Variants in CCDC102A observed in about 807,000 individuals in gnomAD.
CCDC102A encodes the protein coiled-coil domain containing 102A.
Under a neutral mutation model 55.5 loss-of-function variants are expected in CCDC102A, and 40 were observed. The ratio of observed to expected loss-of-function variants is 0.72; its 90% CI spans 0.56 to 0.94. The LOEUF (loss-of-function observed/expected upper bound fraction) is 0.94, where lower values mean the gene tolerates loss of function less well. Among genes scored for constraint, CCDC102A ranks in the 40% least tolerant of loss-of-function variants. CCDC102A has a pLI of 0.00. For missense variants in CCDC102A, 779 were observed against 768.6 expected (o/e 1.01, Z -0.16); for synonymous variants, 323 against 339.0 (o/e 0.95, Z 0.52).
At position 57,512,842 on chromosome 16, in the gene CCDC102A, G is replaced by C; in HGVS notation, c.1552C>G (p.Leu518Val). 1 of 1,614,046 alleles carries C rather than the reference G, an allele frequency of 6.2e-7. No individual in the cohort carries two copies. The highest frequency in any genetic ancestry group is 1.3e-5 in the African/African-American group (1 of 75,070). ...CGAGCACTGCGGATCTTCCCGAAGA[G>C]GGGAGCGTTCTGCTGCTGCCTGCGG... ...RLRRQQQNAP[L>V]FGKIRSARFG... is the part of the protein sequence containing the mutation. The change falls in exon 9 of 9, where the codon CTC becomes GTC. Residue 518 changes from leucine (L) to valine (V), a missense_variant. Physicochemically the swap from Leu to Val is conservative, Grantham distance 32. Coordinates refer to ENST00000258214, the MANE Select transcript of CCDC102A (RefSeq NM_033212.4).
rs779356774 is a variant in CCDC102A at position 57,512,577 on chromosome 16, G to A, written c.*164C>T. ...AACATAGGCTTCCTTTCCACAGGGC[G>A]TTGGTAGGTGGGACTGTTGACGCCA... is the stretch of plus-strand genomic sequence containing the variant. On this transcript the variant is annotated 3_prime_UTR_variant, in exon 9 of 9. Coordinates refer to ENST00000258214, the MANE Select transcript of CCDC102A (RefSeq NM_033212.4). 3.0e-5 allele frequency: 23 copies of A among 769,438 alleles called. No homozygotes were observed. In the African/African-American group the frequency reaches 3.1e-4, roughly 10 times the overall value. The allele number at this position is 769,438 out of a possible 1,614,324, so 47.7% of individuals were successfully genotyped here.
Position 57,516,542 on chromosome 16 carries a change from G to A in CCDC102A, c.1249-79C>T, listed in dbSNP as rs2031959339. ...GCGCCATGCCAGGGAGTCCCACGAG[G>A]TCAGGCAGTTCTAGGGATGCTGGGT... On this transcript the variant is annotated intron_variant, in intron 6 of 8. Coordinates refer to ENST00000258214, the MANE Select transcript of CCDC102A (RefSeq NM_033212.4). The surrounding 1 kb of genome is among the most constrained non-coding windows in gnomAD (Gnocchi z 4.4). The A allele has an allele frequency of 1.6e-6, 2 of 1,230,300 alleles. No individual in the cohort carries two copies. Among genetic ancestry groups the A allele is most frequent in the African/African-American group, 1.5e-5 (1 of 67,808 alleles). The allele number at this position is 1,230,300 out of a possible 1,614,324, so 76.2% of individuals were successfully genotyped here. A position where few individuals can be genotyped will look rare whatever the true frequency, so the allele number is the denominator to read the frequency against.
At chr16:57,520,595 A>AC (rs1555519315) in intron 4 of CCDC102A, among the ~76,000 whole-genome samples, 30,299 of 118,562 alleles carry the variant, frequency 0.26, 4,032 homozygotes, top group African/African-American at 0.44. Flanking sequence ...ACATAACATA[A>AC]ATAAAATAAA....
intron 8 of CCDC102A, 73 bp downstream of exon 8, chr16:57,515,268 G>A: frequency 1.1e-6 from 1 of 948,316 alleles, no homozygotes. Context: ...CCTTGGTTTG[G>A]GCTCCGTCCC....
intron 1 of CCDC102A, among the ~76,000 whole-genome samples, chr16:57,533,168 C>A (rs2032302521): frequency 6.6e-6 from 1 of 152,170 alleles, no homozygotes; most frequent in Non-Finnish European, 1.5e-5. Flanking sequence ...CCTGGCCAGG[C>A]CCCTCCTAGG....
At position 57,529,473 on chromosome 16, in the gene CCDC102A, A is replaced by C. The variant is rs552535618; in HGVS notation, c.-147-149T>G. On this transcript the variant is annotated intron_variant, in intron 1 of 8. Transcript: ENST00000258214. The surrounding 1 kb of genome is among the most constrained non-coding windows in gnomAD (Gnocchi z 4.1). The stretch of plus-strand genomic sequence containing the variant: ...AGTCCCAATGAGGCAGGATTGGTGG[A>C]GCAAGGGCCCGCAAAGGCCTCCTCA... 7.6e-5 allele frequency: 14 copies of C among 184,140 alleles called. No individual in the cohort carries two copies. The South Asian group carries it at 2.7e-3, about 36-fold the overall frequency. 11.4% of individuals were successfully genotyped at this position (184,140 alleles called of 1,614,324 possible). A position where few individuals can be genotyped will look rare whatever the true frequency, so the allele number is the denominator to read the frequency against.
At chr16:57,536,828 C>CG (rs1419352496), upstream of CCDC102A, among the ~76,000 whole-genome samples, 25 of 152,166 alleles carry the variant, frequency 1.6e-4, no homozygotes, top group East Asian at 2.3e-3. Flanking sequence ...CCGAGAGTTG[C>CG]GGGGGGGCTC....
intron 3 of CCDC102A, 99 bp from the exon 4 acceptor site, chr16:57,521,275 C>CA: frequency 1.1e-6 from 1 of 883,476 alleles, no homozygotes; most frequent in Non-Finnish European, 1.8e-6. Context: ...ACTTGTTGAG[C>CA]CCAAGTCCAA....
At position 57,512,457 on chromosome 16, in the gene CCDC102A, G is replaced by T; in HGVS notation, c.*284C>A. 2.4e-6 allele frequency: 1 copy of T among 411,370 alleles called. No individual in the cohort carries two copies. The highest frequency in any genetic ancestry group is 4.3e-6 in the Non-Finnish European group (1 of 233,886). The allele number at this position is 411,370 out of a possible 1,614,324, so 25.5% of individuals were successfully genotyped here. ...TGGGTGGGTGAGGTCATCTGGACTG[G>T]GCCTTGGAGCTGTCCTGTATTTATA... is the stretch of plus-strand genomic sequence containing the variant. On this transcript the variant is annotated 3_prime_UTR_variant, in exon 9 of 9. Transcript: ENST00000258214.
intron 3 of CCDC102A, among the ~76,000 whole-genome samples, chr16:57,524,965 C>A (rs915627073): frequency 2.6e-4 from 40 of 152,324 alleles, no homozygotes; most frequent in African/African-American, 9.4e-4. Context: ...CTTGTCTCCT[C>A]TGCTGTTTCC....
chr16:57,519,591 GAGTT>G (rs1380501867), intron 4 of CCDC102A, among the ~76,000 whole-genome samples: 1 of 152,242 alleles, frequency 6.6e-6, no homozygotes, highest in African/African-American at 2.4e-5. Context: ...ACACACGGAT[GAGTT>G]TTCAACACAT....
In CCDC102A at chr16:57,518,885, G is replaced by T. The variant is rs536241911; in HGVS notation, c.922-144C>A. The T allele has an allele frequency of 1.9e-5, 12 of 635,422 alleles. No homozygotes were observed. In the African/African-American group the frequency reaches 2.2e-4, roughly 11 times the overall value. 39.4% of individuals were successfully genotyped at this position (635,422 alleles called of 1,614,324 possible). ...GGGCAGGCACCAGGTATTCCAAACA[G>T]ACCTCGAATCTGACCACTTCTGCTC... On this transcript the variant is annotated intron_variant, in intron 4 of 8. Transcript: ENST00000258214.
chr16:57,517,736 T>C (rs2031979525), intron 6 of CCDC102A, among the ~76,000 whole-genome samples: 1 of 152,190 alleles, frequency 6.6e-6, no homozygotes, highest in Non-Finnish European at 1.5e-5. Flanking sequence ...TTCTTGCTGG[T>C]GACCATGAAG....
intron 1 of CCDC102A, among the ~76,000 whole-genome samples, chr16:57,535,473 G>C (rs1409934867): frequency 6.6e-6 from 1 of 152,204 alleles, no homozygotes; most frequent in Non-Finnish European, 1.5e-5. Context: ...CCAGAGTAGG[G>C]AGCTGGTGAT....
chr16:57,522,786 C>T (rs1413839853), intron 3 of CCDC102A, among the ~76,000 whole-genome samples: 2 of 152,242 alleles, frequency 1.3e-5, no homozygotes, highest in African/African-American at 4.8e-5. Flanking sequence ...ACTATCATCC[C>T]ATTTAAAGAC....
chr16:57,528,878 G>A lies in CCDC102A; in HGVS notation c.300C>T (p.Cys100=), dbSNP rs1221880275. The A allele has an allele frequency of 7.2e-7, 1 of 1,382,470 alleles. No individual in the cohort carries two copies. Among genetic ancestry groups the A allele is most frequent in the South Asian group, 1.4e-5 (1 of 73,766 alleles). The allele number at this position is 1,382,470 out of a possible 1,614,324, so 85.6% of individuals were successfully genotyped here. Residue 100 remains cysteine, a synonymous_variant, in exon 2 of 9, where the codon TGC becomes TGT. Transcript: ENST00000258214. ...TCCATTTCTCGCGCCAATTGGCAGT[G>A]CAGTCCGACCACCGGCGCATGGTCT... ...MEKTMRRWSD[C]TANWREKWSK...
Position 57,516,287 on chromosome 16 carries a change from C to T in CCDC102A, c.1419+6G>A. 1 of 1,603,130 alleles carries T rather than the reference C, an allele frequency of 6.2e-7. No homozygotes were observed. The highest frequency in any genetic ancestry group is 1.1e-5 in the South Asian group (1 of 90,986). ...GTTGCTGCCCCTGCCCCTCTGTGGT[C>T]CTCACCTCGTCCTCAGCCTGGGCCA... On this transcript the variant is annotated splice_donor_region_variant and intron_variant, in intron 7 of 8. Transcript: ENST00000258214. The surrounding 1 kb of genome is among the most constrained non-coding windows in gnomAD (Gnocchi z 4.4).
chr16:57,532,752 C>T (rs1169550937), intron 1 of CCDC102A, among the ~76,000 whole-genome samples: 1 of 152,068 alleles, frequency 6.6e-6, no homozygotes, highest in Non-Finnish European at 1.5e-5. Context: ...GACACACACA[C>T]TCCTCCTTTT....
At chr16:57,520,801 G>A (rs946894938) in intron 4 of CCDC102A, among the ~76,000 whole-genome samples, 14 of 151,694 alleles carry the variant, frequency 9.2e-5, no homozygotes, top group African/African-American at 2.7e-4. Flanking sequence ...TTAGCCGGGC[G>A]TGGTGGCGGG....
Sources: allele counts gnomAD v4.1 joint callset (sites outside exome capture counted in the v4.1 genomes callset), GRCh38; gene constraint gnomAD v4.1.1; non-coding constraint Gnocchi (gnomAD v3.1); transcripts MANE v1.5; gene names NCBI Gene and HGNC (gene_info 2026-07-23, HGNC 2026-07-21).